VPS13B: variants seen among roughly 807,000 people sequenced by gnomAD.
VPS13B encodes the protein vacuolar protein sorting 13 homolog B, also known as intermembrane lipid transfer protein VPS13B.
A neutral mutation model predicts 426.4 loss-of-function variants in VPS13B; 285 were observed. That is an observed-to-expected ratio of 0.67 (90% CI 0.61 to 0.74). VPS13B has a LOEUF of 0.74. Ranked by LOEUF, VPS13B falls within the 30% of genes least tolerant of loss-of-function variation. VPS13B has a pLI of 0.00. For synonymous variants in VPS13B, 1,676 were observed against 1,676.4 expected, an observed-to-expected ratio of 1.00 and a Z score of 0.01; for missense variants, 4,537 against 4,782.6, an observed-to-expected ratio of 0.95 and a Z score of 1.51.
At chr8:99,767,198 G>A (rs540781633) in intron 40 of VPS13B, among the ~76,000 whole-genome samples, 2 of 151,820 alleles carry the variant, frequency 1.3e-5, no homozygotes, top group African/African-American at 4.8e-5. Flanking sequence ...CCCTCACTAA[G>A]AACCTGTTCC....
chr8:99,641,467 T>A (rs995464181), intron 33 of VPS13B, among the ~76,000 whole-genome samples: 8 of 152,174 alleles, frequency 5.3e-5, no homozygotes, highest in Admixed American at 2.6e-4. Context: ...GCTTGAGAAA[T>A]CACTATAAAA....
chr8:99,470,561 T>A (rs1440557386), intron 24 of VPS13B, among the ~76,000 whole-genome samples: 1 of 152,126 alleles, frequency 6.6e-6, no homozygotes, highest in Non-Finnish European at 1.5e-5. Flanking sequence ...AAAGAGTTAC[T>A]AAACTTGAAC....
chr8:99,302,506 C>G (rs768636092), intron 19 of VPS13B, among the ~76,000 whole-genome samples: 16 of 151,942 alleles, frequency 1.1e-4, no homozygotes, highest in Non-Finnish European at 1.9e-4. Flanking sequence ...ATTGAATACT[C>G]TATTGATTTT....
intron 39 of VPS13B, among the ~76,000 whole-genome samples, chr8:99,732,109 G>A (rs998525808): frequency 6.6e-6 from 1 of 152,200 alleles, no homozygotes; most frequent in Non-Finnish European, 1.5e-5. Context: ...AGACACTGCT[G>A]GGGCTTTTCA....
chr8:99,032,198 CAGA>C (rs1258946918), intron 2 of VPS13B, among the ~76,000 whole-genome samples: 5 of 152,324 alleles, frequency 3.3e-5, no homozygotes, highest in East Asian at 1.9e-4. Context: ...TTCTGTACCT[CAGA>C]AGATCTTCAT....
At chr8:99,530,752 A>C (rs1822891230) in intron 30 of VPS13B, among the ~76,000 whole-genome samples, 1 of 152,178 alleles carries the variant, frequency 6.6e-6, no homozygotes, top group South Asian at 2.1e-4. Context: ...GAACCTCATA[A>C]TAATCTCATG....
intron 25 of VPS13B, among the ~76,000 whole-genome samples, chr8:99,490,154 A>G (rs1471999518): frequency 6.6e-6 from 1 of 152,130 alleles, no homozygotes; most frequent in Non-Finnish European, 1.5e-5. Context: ...ATCTTTTGAG[A>G]TACTCATGTG....
chr8:99,278,409 CATT>C (rs910067812), intron 19 of VPS13B, among the ~76,000 whole-genome samples: 1 of 152,114 alleles, frequency 6.6e-6, no homozygotes, highest in African/African-American at 2.4e-5. Context: ...TAGTAAAACT[CATT>C]ATAAAAACAG....
At chr8:99,811,893 C>T (rs564833351) in intron 44 of VPS13B, among the ~76,000 whole-genome samples, 2 of 152,162 alleles carry the variant, frequency 1.3e-5, no homozygotes, top group South Asian at 4.2e-4. Flanking sequence ...CCTGCCATAG[C>T]CCTATATACC....
intron 30 of VPS13B, among the ~76,000 whole-genome samples, chr8:99,536,228 T>G (rs189462078): frequency 8.5e-5 from 13 of 152,296 alleles, no homozygotes; most frequent in Non-Finnish European, 1.8e-4. Flanking sequence ...GGATTACAGA[T>G]GCCAGCCACC....
intron 33 of VPS13B, among the ~76,000 whole-genome samples, chr8:99,641,252 C>T (rs72676216): frequency 0.14 from 20,890 of 152,192 alleles, 1,989 homozygotes; most frequent in East Asian, 0.39. Context: ...AGAAAATAAA[C>T]ATCTTTTGAA....
At chr8:99,122,450 C>T (rs1847994208) in intron 8 of VPS13B, among the ~76,000 whole-genome samples, 1 of 152,062 alleles carries the variant, frequency 6.6e-6, no homozygotes, top group South Asian at 2.1e-4. Context: ...CATGGTGGCT[C>T]ACATCTGTAA....
chr8:99,063,412 G>T lies in VPS13B; in HGVS notation c.291+24846G>T, dbSNP rs764421720. 4.6e-5 allele frequency among the ~76,000 whole-genome samples: 7 copies of T among 152,362 alleles called. No individual in the cohort carries two copies. In the East Asian group the frequency reaches 5.8e-4, roughly 13 times the overall value. ...AGTCTTAGCAAACGGCATACCAGGAGATTATATCCCATGCCTGGCTTGGTG... is the reference window on the plus strand; with the variant it reads ...AGTCTTAGCAAACGGCATACCAGGATATTATATCCCATGCCTGGCTTGGTG... On this transcript the variant is annotated intron_variant, in intron 3 of 61. Transcript: ENST00000357162.
intron 55 of VPS13B, among the ~76,000 whole-genome samples, chr8:99,849,481 A>G (rs1158154876): frequency 6.6e-6 from 1 of 152,240 alleles, no homozygotes; most frequent in African/African-American, 2.4e-5. Context: ...AAGAAATGCT[A>G]ATTTATCAAA....
chr8:99,111,542 C>T (rs1008640392), intron 6 of VPS13B, among the ~76,000 whole-genome samples: 5 of 151,564 alleles, frequency 3.3e-5, no homozygotes, highest in Non-Finnish European at 7.4e-5. Context: ...TAGTGTTTCT[C>T]TCTTCAAGTA....
chr8:99,553,063 A>G (rs976676207), intron 30 of VPS13B, among the ~76,000 whole-genome samples: 2 of 152,078 alleles, frequency 1.3e-5, no homozygotes, highest in African/African-American at 4.8e-5. Flanking sequence ...TATTAAATAG[A>G]TTCATCATTT....
chr8:99,468,387 C>T (rs1397385726), intron 24 of VPS13B, among the ~76,000 whole-genome samples: 1 of 151,932 alleles, frequency 6.6e-6, no homozygotes. Flanking sequence ...TGTAAAATTA[C>T]AAGATACAGC....
At chr8:99,411,122 C>T (rs775479974) in intron 21 of VPS13B, among the ~76,000 whole-genome samples, 9 of 152,098 alleles carry the variant, frequency 5.9e-5, no homozygotes, top group Non-Finnish European at 1.0e-4. Context: ...GGTTCTAGAT[C>T]CTTGAGGAAT....
In VPS13B at chr8:99,170,087, T is replaced by C; in HGVS notation, c.2257T>C (p.Tyr753His). The C allele has an allele frequency of 6.2e-7, 1 of 1,612,986 alleles. No individual in the cohort carries two copies. Among genetic ancestry groups the C allele is most frequent in the South Asian group, 1.1e-5 (1 of 91,074 alleles). The change falls in exon 16 of 62, where the codon TAC (tyrosine) becomes CAC (histidine). Residue 753 changes from tyrosine to histidine, a missense_variant. Tyr to His is a moderately conservative substitution (Grantham distance 83, BLOSUM62 2). Coordinates refer to ENST00000357162, the MANE Select transcript of VPS13B (RefSeq NM_152564.5). ...GACGTCTTTGGATTGCAGTGGATCT[T>C]ACTGCTTACCTGTACCAGTTATTCC... The part of the protein sequence containing the change: ...GLTSLDCSGS[Y>H]CLPVPVIPSF...
Sources: gnomAD v4.1 joint callset for allele counts (sites outside exome capture counted in the v4.1 genomes callset) on GRCh38, gnomAD v4.1.1 for gene constraint, MANE v1.5 for transcripts, NCBI Gene and HGNC (gene_info 2026-07-23, HGNC 2026-07-21) for gene names.